The following FNIP1 variants were observed in gnomAD, a reference collection of about 807,000 sequenced individuals.
FNIP1 encodes folliculin-interacting protein 1.
In FNIP1, 40 loss-of-function variants were observed where a neutral mutation model predicts 124.5. The ratio of observed to expected loss-of-function variants is 0.32; its 90% CI spans 0.25 to 0.42. The LOEUF is 0.42. Among genes scored for constraint, FNIP1 ranks in the 10% least tolerant of loss-of-function variants. The probability of loss-of-function intolerance (pLI) is 1.00; values close to 1 mark genes in which losing one functional copy is unlikely to be tolerated. For synonymous variants in FNIP1, 472 were observed against 470.6 expected (o/e 1.00, Z -0.04); for missense variants, 1,176 against 1,403.7 (o/e 0.84, Z 2.59).
chr5:131,767,775 C>A (rs563379212), intron 1 of FNIP1, among the ~76,000 whole-genome samples: 117 of 152,232 alleles, frequency 7.7e-4, no homozygotes, highest in African/African-American at 2.6e-3. Flanking sequence ...GAAAATAATT[C>A]CATGACTGAT....
At chr5:131,701,135 T>C (rs78846697) in intron 10 of FNIP1, among the ~76,000 whole-genome samples, 7,805 of 152,152 alleles carry the variant, frequency 0.051, 268 homozygotes, top group Non-Finnish European at 0.077. Context: ...TAGGAGCGCA[T>C]ACCCTATTGT....
At chr5:131,776,437 T>G (rs1771808896) in intron 1 of FNIP1, among the ~76,000 whole-genome samples, 1 of 152,194 alleles carries the variant, frequency 6.6e-6, no homozygotes. Flanking sequence ...TATAAAAATA[T>G]TCATAGCAGC....
chr5:131,736,187 T>G (rs552905614), intron 2 of FNIP1, among the ~76,000 whole-genome samples: 1 of 152,338 alleles, frequency 6.6e-6, no homozygotes, highest in East Asian at 1.9e-4. Context: ...AATACGGGTA[T>G]TTTTACTATT....
At chr5:131,771,139 A>C (rs1364524137) in intron 1 of FNIP1, among the ~76,000 whole-genome samples, 2 of 152,144 alleles carry the variant, frequency 1.3e-5, no homozygotes, top group African/African-American at 4.8e-5. Context: ...TGACAAAGAC[A>C]TAAATTCTAA....
rs993296061 is a variant in FNIP1 at position 131,672,141 on chromosome 5, C to G, written c.2303G>C (p.Arg768Pro). 3 of 1,614,158 alleles carry G rather than the reference C, an allele frequency of 1.9e-6. No homozygotes were observed. The highest frequency in any genetic ancestry group is 2.5e-6 in the Non-Finnish European group (3 of 1,180,038). The change falls in exon 14 of 18, where the codon CGA (arginine) becomes CCA (proline). Residue 768 changes from arginine to proline, a missense_variant. Coordinates refer to ENST00000510461, the MANE Select transcript of FNIP1 (RefSeq NM_133372.3). ...AATCTGATCCACCACTGCCTGACTT[C>G]GAAGCTCAGTATCTGAATCAGGTGA... ...SMSPDSDTEL[R>P]SQAVVDQITR...
intron 1 of FNIP1, among the ~76,000 whole-genome samples, chr5:131,773,589 A>G (rs534178821): frequency 1.7e-3 from 257 of 152,316 alleles, no homozygotes; most frequent in African/African-American, 5.6e-3. Flanking sequence ...TCATCATTGT[A>G]CAGCTGATGT....
At chr5:131,748,306 T>TTAGAATCA (rs1770750589) in intron 1 of FNIP1, among the ~76,000 whole-genome samples, 1 of 152,182 alleles carries the variant, frequency 6.6e-6, no homozygotes, top group Non-Finnish European at 1.5e-5. Context: ...CGCACATGTC[T>TTAGAATCA]GTGGTGATGC....
rs1398011234 is a variant in FNIP1, at chr5:131,651,923, G to A, written c.3185C>T (p.Ala1062Val). The change falls in exon 16 of 18, where the codon GCC becomes GTC. Residue 1062 changes from alanine (A) to valine (V), a missense_variant. Around this residue, in one of 2 missense-constraint regions of FNIP1, gnomAD observed 1,109 missense variants for 1,288.5 expected, o/e 0.86. Transcript: ENST00000510461. ...ATCTGTCACTCGTCTCTGGCTACTG[G>A]CCACTTGAACAGTCCATTTATCCAT... ...ADMDKWTVQV[A>V]SSQRRVTDNK... The A allele has an allele frequency of 6.2e-7, 1 of 1,614,066 alleles. No homozygotes were observed. The highest frequency in any genetic ancestry group is 8.5e-7 in the Non-Finnish European group (1 of 1,180,022).
intron 11 of FNIP1, among the ~76,000 whole-genome samples, chr5:131,693,351 T>TATATAC (rs1768577863): frequency 3.7e-5 from 5 of 133,640 alleles, no homozygotes; most frequent in Non-Finnish European, 7.9e-5. Flanking sequence ...TATATATATA[T>TATATAC]ATATATATAT....
chr5:131,704,107 G>A lies in FNIP1; in HGVS notation c.1074C>T (p.Leu358=), dbSNP rs752007000. The A allele has an allele frequency of 5.0e-6, 8 of 1,612,320 alleles. No individual in the cohort carries two copies. The highest frequency in any genetic ancestry group is 6.8e-6 in the Non-Finnish European group (8 of 1,178,796). The part of the protein sequence containing the change: ...FNEFFFSHFP[L]FESHMNKLKS... ...TTAATTTGTTCATGTGGCTTTCAAA[G>A]AGAGGAAAATGTGAAAAAAAGAATT... is the stretch of plus-strand genomic sequence containing the variant. Residue 358 remains leucine (L), a synonymous_variant, in exon 10 of 18, where the codon CTC becomes CTT. Transcript: ENST00000510461.
intron 1 of FNIP1, among the ~76,000 whole-genome samples, chr5:131,756,037 G>A (rs553224040): frequency 4.6e-5 from 7 of 151,928 alleles, no homozygotes; most frequent in Admixed American, 2.6e-4. Flanking sequence ...TAATGAAGAT[G>A]AAAAGAAAGG....
At chr5:131,701,997 C>T (rs1277262642) in intron 10 of FNIP1, among the ~76,000 whole-genome samples, 4 of 152,212 alleles carry the variant, frequency 2.6e-5, no homozygotes, top group Non-Finnish European at 1.5e-5. Context: ...ATCAGCTCAA[C>T]TTCTGGGAAT....
intron 2 of FNIP1, among the ~76,000 whole-genome samples, chr5:131,744,234 G>T (rs944022888): frequency 5.3e-5 from 8 of 150,776 alleles, no homozygotes; most frequent in African/African-American, 1.5e-4. Flanking sequence ...AAAAATAATC[G>T]AGATAATTAA....
intron 1 of FNIP1, among the ~76,000 whole-genome samples, chr5:131,777,773 T>C (rs1771860527): frequency 6.6e-6 from 1 of 152,112 alleles, no homozygotes; most frequent in South Asian, 2.1e-4. Flanking sequence ...GTTCTCAAAG[T>C]GTGGTCCCTA....
At chr5:131,678,903 A>C (rs1303405549) in intron 12 of FNIP1, 126 bp downstream of exon 12, 4 of 661,120 alleles carry the variant, frequency 6.1e-6, no homozygotes, top group Non-Finnish European at 9.8e-6. Context: ...ATTATTTTTT[A>C]GAATTCTGAT....
intron 3 of FNIP1, among the ~76,000 whole-genome samples, chr5:131,723,862 C>G (rs1381231042): frequency 6.7e-6 from 1 of 149,820 alleles, no homozygotes. Context: ...CTCCCCCTAG[C>G]CCCCCACCCC....
In FNIP1 at chr5:131,677,602, G is replaced by A. The variant is rs188202459; in HGVS notation, c.1519+101C>T. On this transcript the variant is annotated intron_variant, in intron 13 of 17. Transcript: ENST00000510461. ...AAAGCAGAGATGCTTTAGAATGCAG[G>A]AGGTAAAAGCATTTTATTTATTTTT... 5.3e-5 allele frequency: 58 copies of A among 1,092,336 alleles called. No homozygotes were observed. In the Admixed American group the frequency reaches 1.3e-3, roughly 24 times the overall value. 67.7% of individuals were successfully genotyped at this position (1,092,336 alleles called of 1,614,324 possible).
chr5:131,686,051 C>G (rs1465269702), intron 11 of FNIP1, among the ~76,000 whole-genome samples: 1 of 152,096 alleles, frequency 6.6e-6, no homozygotes, highest in Non-Finnish European at 1.5e-5. Flanking sequence ...CTGTCATAAA[C>G]CATTAGGGAT....
At chr5:131,757,260 G>T (rs1297887593) in intron 1 of FNIP1, among the ~76,000 whole-genome samples, 1 of 152,158 alleles carries the variant, frequency 6.6e-6, no homozygotes, top group African/African-American at 2.4e-5. Context: ...AAGGCTCAAG[G>T]TACAGCCAAG....
Sources: allele counts gnomAD v4.1 joint callset (sites outside exome capture counted in the v4.1 genomes callset), GRCh38; gene constraint gnomAD v4.1.1; regional missense constraint gnomAD v4.1.1; transcripts MANE v1.5; gene names NCBI Gene and HGNC (gene_info 2026-07-23, HGNC 2026-07-21).